The following PTPRM variants were observed in gnomAD, a reference collection of about 807,000 sequenced individuals.
PTPRM encodes receptor-type tyrosine-protein phosphatase mu.
PTPRM carries 47 observed loss-of-function variants against 186.7 expected under a neutral mutation model. The ratio of observed to expected loss-of-function variants is 0.25; its 90% CI spans 0.20 to 0.32. PTPRM has a LOEUF of 0.32. Ranked by LOEUF, PTPRM falls within the 10% of genes least tolerant of loss-of-function variation. The pLI, the probability that PTPRM is intolerant of heterozygous loss-of-function variation, is 1.00. For synonymous variants in PTPRM, 668 were observed against 674.9 expected (o/e 0.99, Z 0.16); for missense variants, 1,494 against 1,865.0 (o/e 0.80, Z 3.66).
intron 1 of PTPRM, chr18:7,755,310 T>G (rs1366926278): frequency 6.6e-6 from 1 of 152,146 alleles, no homozygotes. Context: ...AAGCTTAGCT[T>G]TTTATTTTGA....
chr18:7,823,214 A>C (rs375658094), intron 2 of PTPRM, among the ~76,000 whole-genome samples: 2 of 152,202 alleles, frequency 1.3e-5, no homozygotes, highest in South Asian at 4.1e-4. Flanking sequence ...CACTCCCTGC[A>C]GAGACACAGA....
At chr18:7,889,517 T>G (rs561095132) in intron 3 of PTPRM, among the ~76,000 whole-genome samples, 33 of 152,098 alleles carry the variant, frequency 2.2e-4, no homozygotes, top group Non-Finnish European at 3.7e-4. Flanking sequence ...TTATATTTTT[T>G]TTGTAGAGAC....
chr18:7,747,516 C>T (rs1445517025), intron 1 of PTPRM: 1 of 152,224 alleles, frequency 6.6e-6, no homozygotes, highest in Non-Finnish European at 1.5e-5. Context: ...GACTTGGTTC[C>T]TTTGGAGGGC....
intron 1 of PTPRM, among the ~76,000 whole-genome samples, chr18:7,724,865 T>C (rs2040515425): frequency 6.6e-6 from 1 of 152,224 alleles, no homozygotes; most frequent in African/African-American, 2.4e-5. Flanking sequence ...CTGTTCCCTT[T>C]ATTGAAAAAT....
At chr18:8,063,126 A>T (rs2088728203) in intron 7 of PTPRM, among the ~76,000 whole-genome samples, 2 of 150,714 alleles carry the variant, frequency 1.3e-5, no homozygotes, top group Middle Eastern at 3.5e-3. Flanking sequence ...TGGGCGTAGG[A>T]CCCTCCGAGC....
At chr18:7,876,761 A>G (rs1599225702) in intron 2 of PTPRM, among the ~76,000 whole-genome samples, 2 of 152,288 alleles carry the variant, frequency 1.3e-5, no homozygotes, top group East Asian at 1.9e-4. Context: ...GATATTATTT[A>G]TATATATACT....
intron 1 of PTPRM, among the ~76,000 whole-genome samples, chr18:7,725,902 C>T (rs1034320948): frequency 3.3e-5 from 5 of 152,264 alleles, no homozygotes; most frequent in South Asian, 2.1e-4. Context: ...TCACACTGAC[C>T]GTCCACTGAG....
intron 14 of PTPRM, among the ~76,000 whole-genome samples, chr18:8,184,756 T>A (rs2093620954): frequency 6.6e-6 from 1 of 152,236 alleles, no homozygotes; most frequent in South Asian, 2.1e-4. Flanking sequence ...ATTTTTGATG[T>A]TTAACCTTTT....
At chr18:7,920,291 T>G (rs994626965) in intron 4 of PTPRM, among the ~76,000 whole-genome samples, 11 of 152,170 alleles carry the variant, frequency 7.2e-5, no homozygotes, top group Admixed American at 3.9e-4. Flanking sequence ...ACTTTGTAGT[T>G]AAATGATTTT....
At chr18:7,760,194 T>C (rs2041701225) in intron 1 of PTPRM, among the ~76,000 whole-genome samples, 1 of 152,244 alleles carries the variant, frequency 6.6e-6, no homozygotes. Flanking sequence ...AACATTATTT[T>C]ATTTAGTTTT....
chr18:8,118,811 A>AAAATAT (rs372020679), intron 13 of PTPRM, among the ~76,000 whole-genome samples: 70 of 128,366 alleles, frequency 5.5e-4, no homozygotes, highest in East Asian at 3.0e-3. Context: ...AAAAAAAAAA[A>AAAATAT]ATATATATAT....
chr18:8,228,818 A>T (rs1372515693), intron 14 of PTPRM, among the ~76,000 whole-genome samples: 1 of 152,126 alleles, frequency 6.6e-6, no homozygotes, highest in Non-Finnish European at 1.5e-5. Flanking sequence ...ACACCACCGC[A>T]CTCCAGCCTG....
intron 29 of PTPRM, among the ~76,000 whole-genome samples, chr18:8,380,827 C>G (rs954084746): frequency 1.3e-5 from 2 of 152,090 alleles, no homozygotes; most frequent in Non-Finnish European, 2.9e-5. Context: ...AGCGTTTGAC[C>G]CAGCCCAGAT....
intron 14 of PTPRM, among the ~76,000 whole-genome samples, chr18:8,222,712 C>T (rs1386193403): frequency 6.6e-6 from 1 of 152,228 alleles, no homozygotes; most frequent in African/African-American, 2.4e-5. Context: ...ATTATGTACC[C>T]ACTTCTCAGC....
intron 14 of PTPRM, among the ~76,000 whole-genome samples, chr18:8,184,002 C>G (rs930459888): frequency 2.0e-5 from 3 of 152,146 alleles, no homozygotes; most frequent in Non-Finnish European, 4.4e-5. Flanking sequence ...ATGCTGATCT[C>G]CCAAGATACT....
chr18:7,842,218 C>T (rs894223658), intron 2 of PTPRM, among the ~76,000 whole-genome samples: 3 of 152,134 alleles, frequency 2.0e-5, no homozygotes, highest in South Asian at 2.1e-4. Context: ...TGAAGGGACA[C>T]GAGGGTGATA....
At chr18:8,207,764 A>G (rs1278092180) in intron 14 of PTPRM, among the ~76,000 whole-genome samples, 1 of 152,216 alleles carries the variant, frequency 6.6e-6, no homozygotes, top group African/African-American at 2.4e-5. Flanking sequence ...TATTTTAACA[A>G]TTTATTGAGA....
chr18:7,686,001 CTG>C (rs1352645210), intron 1 of PTPRM, among the ~76,000 whole-genome samples: 1 of 152,016 alleles, frequency 6.6e-6, no homozygotes, highest in Non-Finnish European at 1.5e-5. Context: ...GGCCAGAAAA[CTG>C]GGCTCAGAAT....
chr18:7,598,465 A>G (rs2037319209), intron 1 of PTPRM, among the ~76,000 whole-genome samples: 1 of 152,242 alleles, frequency 6.6e-6, no homozygotes, highest in South Asian at 2.1e-4. Context: ...TTGATCATCT[A>G]CTGCAGGCTT....
Sources: gnomAD v4.1 joint callset for allele counts (sites outside exome capture counted in the v4.1 genomes callset) on GRCh38, gnomAD v4.1.1 for gene constraint, MANE v1.5 for transcripts, NCBI Gene and HGNC (gene_info 2026-07-23, HGNC 2026-07-21) for gene names.